Variants in ZNF334 observed in about 807,000 individuals in gnomAD.
ZNF334 encodes zinc finger protein 334.
A neutral mutation model predicts 12.4 loss-of-function variants in ZNF334; 14 were observed. That is an observed-to-expected ratio of 1.13 (90% CI 0.74 to 1.76). The LOEUF is 1.76. Ranked by LOEUF, ZNF334 falls within the 40% of genes most tolerant of loss-of-function variation. ZNF334 has a pLI of 0.00. For missense variants in ZNF334, 797 were observed against 804.5 expected (o/e 0.99, Z 0.11); for synonymous variants, 273 against 269.6 (o/e 1.01, Z -0.12).
At chr20:46,478,943 A>G in the ZNF334 span, among the ~76,000 whole-genome samples, 3 of 152,220 alleles carry the variant, frequency 2.0e-5, no homozygotes, top group East Asian at 1.9e-4. Flanking sequence ...GTCCTCCTAC[A>G]AGGCCTCTGG....
chr20:46,509,116 C>T (rs543299832), intron 2 of ZNF334, among the ~76,000 whole-genome samples: 1 of 152,274 alleles, frequency 6.6e-6, no homozygotes, highest in Non-Finnish European at 1.5e-5. Flanking sequence ...CCAGACTCCT[C>T]TTCTTTTACT....
At chr20:46,470,944 AG>A in the ZNF334 span, among the ~76,000 whole-genome samples, 8 of 152,368 alleles carry the variant, frequency 5.3e-5, no homozygotes, top group East Asian at 1.9e-4. Flanking sequence ...GGTGAACAAA[AG>A]CATGAATTTC....
At position 46,501,117 on chromosome 20, in the gene ZNF334, C is replaced by T. The variant is rs2145930466; in HGVS notation, c.*179G>A. The T allele has an allele frequency of 1.5e-6, 1 of 681,536 alleles. No homozygotes were observed. Among genetic ancestry groups the T allele is most frequent in the Non-Finnish European group, 2.3e-6 (1 of 432,788 alleles). 42.2% of individuals were successfully genotyped at this position (681,536 alleles called of 1,614,324 possible). A position where few individuals can be genotyped will look rare whatever the true frequency, so the allele number is the denominator to read the frequency against. ...CACAATGAATAATACATTTATTAAA[C>T]AAATTATTTCTTTCCTACATGATTT... On this transcript the variant is annotated 3_prime_UTR_variant, in exon 5 of 5. Coordinates refer to ENST00000692313, the MANE Select transcript of ZNF334 (RefSeq NM_001353824.2).
chr20:46,502,197 T>G lies in ZNF334; in HGVS notation c.1142A>C (p.Glu381Ala). Residue 381 changes from glutamate (E) to alanine (A), a missense_variant, in exon 5 of 5, where the codon GAA (glutamate) becomes GCA (alanine). Glu to Ala is a moderately radical substitution (Grantham distance 107, BLOSUM62 -1). Transcript: ENST00000692313. ...HRGEKPNECK[E>A]CGKTFFCQSA... ...CTGACAGAAGAAGGTTTTCCCACAT[T>G]CCTTACATTCATTTGGCTTCTCTCC... 1 of 1,614,164 alleles carries G rather than the reference T, an allele frequency of 6.2e-7. No individual in the cohort carries two copies. Among genetic ancestry groups the G allele is most frequent in the Non-Finnish European group, 8.5e-7 (1 of 1,180,010 alleles).
rs1175045036 is a variant in ZNF334 at position 46,504,238 on chromosome 20, C to T, written c.217G>A (p.Glu73Lys). Residue 73 changes from glutamate to lysine, a missense_variant, in exon 4 of 5, where the codon GAA (glutamate) becomes AAA (lysine). Glu to Lys is a moderately conservative substitution (Grantham distance 56). Coordinates refer to ENST00000692313, the MANE Select transcript of ZNF334 (RefSeq NM_001353824.2). ...EQGEEPWIVE[E>K]FSNQNYPDID... ...CCTGGGTAGTTCTGATTTGAGAATTCCTCCACTATCCATGGCTCTTCTCCT... is the reference window on the plus strand; with the variant it reads ...CCTGGGTAGTTCTGATTTGAGAATTTCTCCACTATCCATGGCTCTTCTCCT... 7 of 1,612,542 alleles carry T rather than the reference C, an allele frequency of 4.3e-6. No individual in the cohort carries two copies. The highest frequency in any genetic ancestry group is 5.9e-6 in the Non-Finnish European group (7 of 1,179,252).
Position 46,502,821 on chromosome 20 carries a change from T to C in ZNF334, c.518A>G (p.Lys173Arg), listed in dbSNP as rs1172539228. 1 of 1,614,012 alleles carries C rather than the reference T, an allele frequency of 6.2e-7. No homozygotes were observed. Among genetic ancestry groups the C allele is most frequent in the Admixed American group, 1.7e-5 (1 of 60,034 alleles). Residue 173 changes from lysine (K) to arginine (R), a missense_variant, in exon 5 of 5, where the codon AAA becomes AGA. Transcript: ENST00000692313. The stretch of plus-strand genomic sequence containing the variant: ...GTATTTTTTCATTCCCAAATGACTT[T>C]TCTCATGCTTCCCAAATCCACTGTA... ...DGYSGFGKHEKSHLGMKKYRY... is the reference protein window; with the variant it reads ...DGYSGFGKHERSHLGMKKYRY...
chr20:46,502,629 T>C lies in ZNF334; in HGVS notation c.710A>G (p.Asn237Ser), dbSNP rs772474283. ...QKGRQTERKP[N>S]ECNECRKTFS... ...GGTTTTCCTACATTCATTACATTCA[T>C]TTGGTTTCCTTTCAGTCTGTCTCCC... is the stretch of plus-strand genomic sequence containing the variant. The change falls in exon 5 of 5, where the codon AAT becomes AGT. Residue 237 changes from asparagine to serine, a missense_variant. Asn to Ser is a conservative substitution (Grantham distance 46). Coordinates refer to ENST00000692313, the MANE Select transcript of ZNF334 (RefSeq NM_001353824.2). 10 of 1,612,904 alleles carry C rather than the reference T, an allele frequency of 6.2e-6. No individual in the cohort carries two copies. The South Asian group carries it at 1.1e-4, about 18-fold the overall frequency.
intron 2 of ZNF334, among the ~76,000 whole-genome samples, chr20:46,510,651 G>A (rs963436397): frequency 1.1e-4 from 17 of 151,650 alleles, no homozygotes; most frequent in Admixed American, 3.9e-4. Context: ...GTGTGAACCT[G>A]GGAGGCTGAG....
the ZNF334 span, among the ~76,000 whole-genome samples, chr20:46,482,540 A>G: frequency 2.0e-5 from 3 of 152,210 alleles, no homozygotes; most frequent in Non-Finnish European, 2.9e-5. Context: ...AAATCTATCA[A>G]TGTATGATCT....
At chr20:46,498,940 C>T (rs892985772), downstream of ZNF334, among the ~76,000 whole-genome samples, 14 of 151,678 alleles carry the variant, frequency 9.2e-5, no homozygotes, top group Non-Finnish European at 1.6e-4. Flanking sequence ...TTTGGGAGGC[C>T]GAGGCGGGCG....
chr20:46,503,018 T>C lies in ZNF334; in HGVS notation c.321A>G (p.Thr107=). ...LTQTVFFSNK[T]LITERENVFG... ...ATACATTCTCTCTTTCTGTAATCAG[T>C]GTTTTGTTGCTGAAGAATACAGTTT... Residue 107 remains threonine, a synonymous_variant, in exon 5 of 5, where the codon ACA becomes ACG. Transcript: ENST00000692313. The C allele has an allele frequency of 6.2e-7, 1 of 1,613,898 alleles. No individual in the cohort carries two copies. Among genetic ancestry groups the C allele is most frequent in the Non-Finnish European group, 8.5e-7 (1 of 1,179,924 alleles).
chr20:46,511,344 A>G (rs900722038), intron 2 of ZNF334, among the ~76,000 whole-genome samples: 4 of 152,226 alleles, frequency 2.6e-5, no homozygotes, highest in African/African-American at 7.2e-5. Flanking sequence ...GTCAAATGCA[A>G]CAAAGAGTTT....
At chr20:46,472,114 T>A in the ZNF334 span, among the ~76,000 whole-genome samples, 1 of 152,234 alleles carries the variant, frequency 6.6e-6, no homozygotes, top group African/African-American at 2.4e-5. Flanking sequence ...TGTCCACTCA[T>A]GTCTTTCCAG....
the ZNF334 span, among the ~76,000 whole-genome samples, chr20:46,469,575 T>C: frequency 6.6e-6 from 1 of 152,006 alleles, no homozygotes; most frequent in Non-Finnish European, 1.5e-5. Context: ...GGTTTCACCA[T>C]GTTAGCCAGG....
At chr20:46,472,116 T>C in the ZNF334 span, among the ~76,000 whole-genome samples, 1 of 152,232 alleles carries the variant, frequency 6.6e-6, no homozygotes, top group Non-Finnish European at 1.5e-5. Context: ...TCCACTCATG[T>C]CTTTCCAGCA....
Position 46,502,996 on chromosome 20 carries a change from C to T in ZNF334, c.343G>A (p.Val115Ile), listed in dbSNP as rs1470063674. Residue 115 changes from valine (V) to isoleucine (I), a missense_variant, in exon 5 of 5, where the codon GTA (valine) becomes ATA (isoleucine). Physicochemically the swap from Val to Ile is conservative, Grantham distance 29 (BLOSUM62 3). Coordinates refer to ENST00000692313, the MANE Select transcript of ZNF334 (RefSeq NM_001353824.2). ...CCCAGATTAAGTGTTTTCCCAAATA[C>T]ATTCTCTCTTTCTGTAATCAGTGTT... Reference protein sequence around the residue: ...NKTLITERENVFGKTLNLGMN... With the variant: ...NKTLITERENIFGKTLNLGMN... 2.5e-6 allele frequency: 4 copies of T among 1,614,004 alleles called. No homozygotes were observed.
the ZNF334 span, among the ~76,000 whole-genome samples, chr20:46,488,419 T>TTATTTATATATATATA: frequency 3.1e-4 from 32 of 102,198 alleles, 2 homozygotes; most frequent in South Asian, 8.5e-4. Flanking sequence ...AGCTCTTATT[T>TTATTTATATATATATA]TATATATATA....
chr20:46,512,409 G>C, intron 1 of ZNF334, 131 bp downstream of exon 1: 1 of 261,302 alleles, frequency 3.8e-6, no homozygotes, highest in Admixed American at 5.0e-5. Flanking sequence ...GAAAACGTCT[G>C]AGTCCAATTA....
chr20:46,502,521 G>C lies in ZNF334; in HGVS notation c.818C>G (p.Thr273Ser), dbSNP rs1266464783. ...AGTGAGGCTTGTCTTCACACGAAAA[G>C]TTTTCCTACAATCACTACAAACATA... ...KPYVCSDCRK[T>S]FRVKTSLTRH... The change falls in exon 5 of 5, where the codon ACT (threonine) becomes AGT (serine). Residue 273 changes from threonine (T) to serine (S), a missense_variant. Thr to Ser is a moderately conservative substitution (Grantham distance 58). Transcript: ENST00000692313. 3 of 1,613,380 alleles carry C rather than the reference G, an allele frequency of 1.9e-6. No homozygotes were observed. Among genetic ancestry groups the C allele is most frequent in the East Asian group, 4.5e-5 (2 of 44,870 alleles).
Sources: gnomAD v4.1 joint callset for allele counts (sites outside exome capture counted in the v4.1 genomes callset) on GRCh38, gnomAD v4.1.1 for gene constraint, MANE v1.5 for transcripts, NCBI Gene and HGNC (gene_info 2026-07-23, HGNC 2026-07-21) for gene names.